CSMD3: variants seen among roughly 807,000 people sequenced by gnomAD.
CSMD3 encodes CUB and Sushi multiple domains 3.
In CSMD3, 177 loss-of-function variants were observed where a neutral mutation model predicts 435.2. The observed-to-expected ratio is 0.41, with a 90% CI of 0.36 to 0.46. The LOEUF is 0.46. Ranked by LOEUF, CSMD3 falls within the 20% of genes least tolerant of loss-of-function variation. The probability of loss-of-function intolerance (pLI) is 0.34; values close to 1 mark genes in which losing one functional copy is unlikely to be tolerated. For synonymous variants in CSMD3, 1,656 were observed against 1,520.5 expected, an observed-to-expected ratio of 1.09 and a Z score of -2.07; for missense variants, 4,265 against 4,504.6, an observed-to-expected ratio of 0.95 and a Z score of 1.52.
intron 4 of CSMD3, among the ~76,000 whole-genome samples, chr8:113,172,439 C>T (rs1588201524): frequency 6.6e-6 from 1 of 152,054 alleles, no homozygotes; most frequent in Non-Finnish European, 1.5e-5. Flanking sequence ...ATTGTGGTAG[C>T]CGTAGTAGTT....
intron 3 of CSMD3, among the ~76,000 whole-genome samples, chr8:113,198,262 G>A (rs965249100): frequency 6.6e-6 from 1 of 151,118 alleles, no homozygotes; most frequent in African/African-American, 2.4e-5. Context: ...ACTTCCACAC[G>A]TGGATTACTT....
intron 22 of CSMD3, among the ~76,000 whole-genome samples, chr8:112,589,888 G>A (rs145533693): frequency 1.6e-3 from 246 of 152,154 alleles, no homozygotes; most frequent in African/African-American, 5.4e-3. Context: ...AGAGTATACC[G>A]CTATCACTGA....
At chr8:113,064,072 T>A (rs910825614) in intron 5 of CSMD3, among the ~76,000 whole-genome samples, 2 of 151,116 alleles carry the variant, frequency 1.3e-5, no homozygotes, top group African/African-American at 4.9e-5. Context: ...ACTATACTAT[T>A]TATTATAGTT....
At chr8:112,430,394 G>A (rs1194982861) in intron 32 of CSMD3, among the ~76,000 whole-genome samples, 6 of 151,946 alleles carry the variant, frequency 3.9e-5, no homozygotes, top group Admixed American at 3.9e-4. Context: ...ACTCATTTAG[G>A]TAATCAGTTA....
chr8:112,679,086 T>TTG (rs1491289316), intron 16 of CSMD3, among the ~76,000 whole-genome samples: 3 of 56,200 alleles, frequency 5.3e-5, no homozygotes, highest in African/African-American at 3.0e-4. Flanking sequence ...ATGGGGCAGG[T>TTG]TTTTTTTTTT....
intron 1 of CSMD3, among the ~76,000 whole-genome samples, chr8:113,409,160 T>C (rs1344622959): frequency 7.0e-6 from 1 of 143,208 alleles, no homozygotes; most frequent in African/African-American, 2.6e-5. Context: ...CTCAGCTCAC[T>C]GCAACCTCCG....
At chr8:112,317,060 C>G (rs1822544593) in intron 47 of CSMD3, among the ~76,000 whole-genome samples, 1 of 151,854 alleles carries the variant, frequency 6.6e-6, no homozygotes, top group South Asian at 2.1e-4. Context: ...GCTTAAATGC[C>G]TGGTGAAATA....
intron 3 of CSMD3, among the ~76,000 whole-genome samples, chr8:113,221,655 C>A (rs2092968071): frequency 6.6e-6 from 1 of 151,098 alleles, no homozygotes; most frequent in Admixed American, 6.6e-5. Flanking sequence ...TGAGTTTTAG[C>A]AAGCAAAATA....
intron 22 of CSMD3, among the ~76,000 whole-genome samples, chr8:112,597,297 C>A (rs1331415725): frequency 1.3e-5 from 2 of 152,102 alleles, no homozygotes; most frequent in Non-Finnish European, 2.9e-5. Context: ...AACATATACA[C>A]CCTCCCAAGA....
At chr8:112,847,091 A>G (rs985707559) in intron 11 of CSMD3, among the ~76,000 whole-genome samples, 1 of 151,998 alleles carries the variant, frequency 6.6e-6, no homozygotes, top group Non-Finnish European at 1.5e-5. Flanking sequence ...AAGACTGCCA[A>G]CCTGGCTTTA....
At position 113,093,642 on chromosome 8, in the gene CSMD3, G is replaced by C. The variant is rs2090074971; in HGVS notation, c.917+5114C>G. On this transcript the variant is annotated intron_variant, in intron 5 of 70. Transcript: ENST00000297405. Reference sequence around the variant, plus strand: ...GAAAATTGGGGCATGACACTCCTGAGTAGTTGAGAAGGAACAGTGCACAAA... The same window carrying C: ...GAAAATTGGGGCATGACACTCCTGACTAGTTGAGAAGGAACAGTGCACAAA... 2.6e-5 allele frequency among the ~76,000 whole-genome samples: 4 copies of C among 152,112 alleles called. No individual in the cohort carries two copies. The South Asian group carries it at 8.3e-4, about 31-fold the overall frequency.
intron 22 of CSMD3, among the ~76,000 whole-genome samples, chr8:112,613,741 A>T (rs1267890070): frequency 6.6e-6 from 1 of 152,164 alleles, no homozygotes; most frequent in Non-Finnish European, 1.5e-5. Flanking sequence ...AGCCATAAAA[A>T]AAAGAGCAAG....
intron 7 of CSMD3, among the ~76,000 whole-genome samples, chr8:112,970,352 T>C (rs1421741012): frequency 1.0e-4 from 14 of 136,700 alleles, no homozygotes; most frequent in African/African-American, 3.9e-4. Flanking sequence ...GCCGAGATCA[T>C]GCCACTGCAC....
chr8:113,112,123 T>A (rs181081222), intron 4 of CSMD3, among the ~76,000 whole-genome samples: 1 of 152,020 alleles, frequency 6.6e-6, no homozygotes, highest in Non-Finnish European at 1.5e-5. Flanking sequence ...CAGTATATAA[T>A]CTTTTGGGGT....
chr8:112,859,935 A>G (rs984548514), intron 10 of CSMD3, among the ~76,000 whole-genome samples: 1 of 151,764 alleles, frequency 6.6e-6, no homozygotes, highest in Non-Finnish European at 1.5e-5. Context: ...TTTGATTTGG[A>G]TATCTTTGCC....
At chr8:113,220,769 G>C (rs1454156739) in intron 3 of CSMD3, among the ~76,000 whole-genome samples, 1 of 151,274 alleles carries the variant, frequency 6.6e-6, no homozygotes, top group South Asian at 2.1e-4. Flanking sequence ...TGCAAAGGGG[G>C]AAGTAACTAT....
chr8:113,390,069 T>C (rs1161866630), intron 1 of CSMD3, among the ~76,000 whole-genome samples: 1 of 151,856 alleles, frequency 6.6e-6, no homozygotes, highest in African/African-American at 2.4e-5. Flanking sequence ...ACTGATAGTG[T>C]CACACTTGCT....
chr8:112,766,274 A>C (rs2077976732), intron 13 of CSMD3, among the ~76,000 whole-genome samples: 1 of 151,882 alleles, frequency 6.6e-6, no homozygotes, highest in East Asian at 1.9e-4. Context: ...TAAATTGTCC[A>C]GAAGAAGAAG....
At chr8:112,907,967 T>A (rs2082307755) in intron 10 of CSMD3, among the ~76,000 whole-genome samples, 1 of 151,346 alleles carries the variant, frequency 6.6e-6, no homozygotes, top group South Asian at 2.1e-4. Flanking sequence ...TTCAGCTAGA[T>A]GAGATTTTTT....
Sources: allele counts gnomAD v4.1 joint callset (sites outside exome capture counted in the v4.1 genomes callset), GRCh38; gene constraint gnomAD v4.1.1; transcripts MANE v1.5; gene names NCBI Gene and HGNC (gene_info 2026-07-23, HGNC 2026-07-21).